The following ENOX1 variants were observed in gnomAD, a reference collection of about 807,000 sequenced individuals.
ENOX1 encodes candidate growth-related and time keeping constitutive hydroquinone (NADH) oxidase.
A neutral mutation model predicts 82.5 loss-of-function variants in ENOX1; 42 were observed. That is an observed-to-expected ratio of 0.51 (90% CI 0.40 to 0.66). ENOX1 has a LOEUF of 0.66. Ranked by LOEUF, ENOX1 falls within the 30% of genes least tolerant of loss-of-function variation. The probability of loss-of-function intolerance (pLI) is 0.00; values close to 1 mark genes in which losing one functional copy is unlikely to be tolerated. For synonymous variants in ENOX1, 271 were observed against 282.2 expected (o/e 0.96, Z 0.40); for missense variants, 608 against 811.6 (o/e 0.75, Z 3.05).
intron 3 of ENOX1, among the ~76,000 whole-genome samples, chr13:43,451,673 TA>T (rs2056974435): frequency 6.6e-6 from 1 of 152,190 alleles, no homozygotes; most frequent in Non-Finnish European, 1.5e-5. Flanking sequence ...ATATATACAA[TA>T]AAAAGTTAGT....
chr13:43,223,569 C>CT (rs1451815787), intron 16 of ENOX1, among the ~76,000 whole-genome samples: 4 of 152,112 alleles, frequency 2.6e-5, no homozygotes, highest in Non-Finnish European at 5.9e-5. Context: ...TTTGCAGCCA[C>CT]TTTTTTCTAC....
chr13:43,395,537 A>G (rs1416461650), intron 5 of ENOX1, among the ~76,000 whole-genome samples: 1 of 152,144 alleles, frequency 6.6e-6, no homozygotes, highest in East Asian at 1.9e-4. Context: ...AACAAAACAA[A>G]ACCAGCGTGA....
chr13:43,349,881 G>A lies in ENOX1; in HGVS notation c.824-5131C>T, dbSNP rs904348515. On this transcript the variant is annotated intron_variant, in intron 8 of 16. Coordinates refer to ENST00000690772, the MANE Select transcript of ENOX1 (RefSeq NM_001347969.2). ...TGTGAGTCTCTATCCCTGTCCCCAC[G>A]ACCAATTAAATCCCTGTCCCCACAG... Among the ~76,000 whole-genome samples the A allele has an allele frequency of 7.4e-5, 6 of 81,434 alleles. No homozygotes were observed. The East Asian group carries it at 1.7e-3, about 24-fold the overall frequency. 53.4% of individuals were successfully genotyped at this position (81,434 alleles called of 152,430 possible).
intron 2 of ENOX1, among the ~76,000 whole-genome samples, chr13:43,504,260 T>C (rs1012756861): frequency 5.3e-5 from 8 of 151,772 alleles, no homozygotes; most frequent in African/African-American, 1.9e-4. Context: ...TGGAAAACTG[T>C]ATGGGGATTC....
At chr13:43,369,031 C>CTTTT (rs11425103) in intron 5 of ENOX1, among the ~76,000 whole-genome samples, 2 of 150,176 alleles carry the variant, frequency 1.3e-5, no homozygotes, top group South Asian at 4.2e-4. Flanking sequence ...ATTGCCCATT[C>CTTTT]TTTTTTTTTT....
intron 5 of ENOX1, among the ~76,000 whole-genome samples, chr13:43,378,990 A>C (rs1258830338): frequency 6.6e-6 from 1 of 152,186 alleles, no homozygotes; most frequent in African/African-American, 2.4e-5. Context: ...GGTTGGAGTA[A>C]TTTGATGTAT....
chr13:43,684,114 T>G (rs901488918), intron 1 of ENOX1, among the ~76,000 whole-genome samples: 4 of 56,666 alleles, frequency 7.1e-5, no homozygotes, highest in Admixed American at 1.7e-4. Context: ...AAAAAAAAAA[T>G]GTAACCTACT....
chr13:43,219,449 C>T (rs1252190183), intron 16 of ENOX1, among the ~76,000 whole-genome samples: 2 of 152,110 alleles, frequency 1.3e-5, no homozygotes, highest in African/African-American at 4.8e-5. Context: ...TACCCTCTTA[C>T]CCAGGTGGCT....
At chr13:43,350,384 T>C (rs978736916) in intron 8 of ENOX1, among the ~76,000 whole-genome samples, 3 of 152,224 alleles carry the variant, frequency 2.0e-5, no homozygotes, top group Non-Finnish European at 2.9e-5. Flanking sequence ...GGGTACCTGG[T>C]GAATTTTAAT....
chr13:43,660,879 A>G (rs1301548884), intron 2 of ENOX1, among the ~76,000 whole-genome samples: 1 of 152,184 alleles, frequency 6.6e-6, no homozygotes, highest in Non-Finnish European at 1.5e-5. Flanking sequence ...TATGCAGACT[A>G]GGGCTCCTGG....
At chr13:43,279,223 T>C (rs1452151182) in intron 12 of ENOX1, among the ~76,000 whole-genome samples, 1 of 152,200 alleles carries the variant, frequency 6.6e-6, no homozygotes, top group Non-Finnish European at 1.5e-5. Context: ...TGATATACTA[T>C]ATCCCAATAT....
intron 5 of ENOX1, among the ~76,000 whole-genome samples, chr13:43,389,336 T>A (rs1392798316): frequency 1.3e-5 from 2 of 152,320 alleles, no homozygotes; most frequent in Middle Eastern, 6.8e-3. Context: ...GTCAAAGTAA[T>A]GGAAGCAGAT....
chr13:43,657,837 G>C (rs2084519105), intron 2 of ENOX1, among the ~76,000 whole-genome samples: 1 of 152,002 alleles, frequency 6.6e-6, no homozygotes, highest in African/African-American at 2.4e-5. Context: ...TATAAATTCG[G>C]GCCTCATTAT....
At chr13:43,562,439 T>C (rs1438222005) in intron 2 of ENOX1, among the ~76,000 whole-genome samples, 2 of 151,788 alleles carry the variant, frequency 1.3e-5, no homozygotes, top group African/African-American at 2.4e-5. Flanking sequence ...ATCGCCTTCA[T>C]TAAAAGGAAG....
intron 3 of ENOX1, among the ~76,000 whole-genome samples, chr13:43,432,146 T>G (rs907789990): frequency 2.0e-5 from 3 of 152,188 alleles, no homozygotes; most frequent in Non-Finnish European, 4.4e-5. Flanking sequence ...GTGGCAAGCT[T>G]CCTTCTCTTT....
chr13:43,689,839 T>C (rs190885904), intron 1 of ENOX1, among the ~76,000 whole-genome samples: 320 of 152,324 alleles, frequency 2.1e-3, no homozygotes, highest in Non-Finnish European at 3.1e-3. Context: ...CAATTTTCCA[T>C]GCTCTCTGCT....
intron 1 of ENOX1, among the ~76,000 whole-genome samples, chr13:43,732,124 C>T (rs1594608820): frequency 1.3e-5 from 2 of 152,200 alleles, no homozygotes; most frequent in East Asian, 1.9e-4. Context: ...CTGATAGCCC[C>T]TTACTCCTCC....
intron 1 of ENOX1, among the ~76,000 whole-genome samples, chr13:43,702,269 T>C (rs1304941506): frequency 2.0e-5 from 3 of 152,176 alleles, no homozygotes; most frequent in Non-Finnish European, 4.4e-5. Context: ...GAGGTTTAAA[T>C]AGATAGATAA....
chr13:43,500,280 C>G (rs1475823688), intron 2 of ENOX1, among the ~76,000 whole-genome samples: 1 of 152,020 alleles, frequency 6.6e-6, no homozygotes, highest in Non-Finnish European at 1.5e-5. Flanking sequence ...CTAAAGAGTT[C>G]TAGGAGAAAT....
Sources: allele counts gnomAD v4.1 joint callset (sites outside exome capture counted in the v4.1 genomes callset), GRCh38; gene constraint gnomAD v4.1.1; transcripts MANE v1.5; gene names NCBI Gene and HGNC (gene_info 2026-07-23, HGNC 2026-07-21).